The following DNER variants were observed in gnomAD, a reference collection of about 807,000 sequenced individuals.
The protein encoded by DNER is delta and Notch-like epidermal growth factor-related receptor.
Under a neutral mutation model 78.2 loss-of-function variants are expected in DNER, and 33 were observed. The ratio of observed to expected loss-of-function variants is 0.42; its 90% confidence interval spans 0.32 to 0.56. The LOEUF (loss-of-function observed/expected upper bound fraction) is 0.56. Among genes scored for constraint, DNER ranks in the 20% least tolerant of loss-of-function variants. The probability of loss-of-function intolerance (pLI) is 0.11; values close to 1 mark genes in which losing one functional copy is unlikely to be tolerated. For synonymous variants in DNER, 417 were observed against 384.8 expected (o/e 1.08, Z -0.98); for missense variants, 918 against 975.3 (o/e 0.94, Z 0.78).
intron 5 of DNER, among the ~76,000 whole-genome samples, chr2:229,545,901 C>A (rs1021566361): frequency 6.6e-6 from 1 of 152,170 alleles, no homozygotes; most frequent in Non-Finnish European, 1.5e-5. Flanking sequence ...CAGGGAAATG[C>A]GAAGACTAAG....
chr2:229,508,479 T>C (rs1695788681), intron 6 of DNER, among the ~76,000 whole-genome samples: 1 of 152,274 alleles, frequency 6.6e-6, no homozygotes, highest in South Asian at 2.1e-4. Context: ...TGCCAGAGAA[T>C]TGCATGCATG....
intron 6 of DNER, among the ~76,000 whole-genome samples, chr2:229,496,180 T>G (rs771310759): frequency 1.3e-5 from 2 of 152,218 alleles, no homozygotes; most frequent in Admixed American, 6.5e-5. Flanking sequence ...TTTCTTGCAG[T>G]AATTGATGCG....
At chr2:229,598,120 T>A (rs1697758064) in intron 1 of DNER, among the ~76,000 whole-genome samples, 1 of 152,152 alleles carries the variant, frequency 6.6e-6, no homozygotes, top group African/African-American at 2.4e-5. Flanking sequence ...ATTGATAGGG[T>A]CATTAGATAT....
intron 4 of DNER, among the ~76,000 whole-genome samples, chr2:229,584,594 G>A (rs2154214413): frequency 6.6e-6 from 1 of 152,290 alleles, no homozygotes; most frequent in African/African-American, 2.4e-5. Context: ...GTGGGTCGGG[G>A]AGGGAATACT....
chr2:229,608,021 C>CAAAAA (rs57795249), intron 1 of DNER, among the ~76,000 whole-genome samples: 20 of 86,132 alleles, frequency 2.3e-4, no homozygotes, highest in South Asian at 9.1e-4. Context: ...AACTCTGTCT[C>CAAAAA]AAAAAAAAAA....
intron 9 of DNER, among the ~76,000 whole-genome samples, chr2:229,417,160 G>C (rs1335043473): frequency 1.3e-5 from 2 of 152,128 alleles, no homozygotes; most frequent in East Asian, 3.9e-4. Context: ...TTATCCAGGA[G>C]CTTAATCAAG....
At chr2:229,501,222 A>T (rs761906976) in intron 6 of DNER, among the ~76,000 whole-genome samples, 2 of 151,988 alleles carry the variant, frequency 1.3e-5, no homozygotes, top group East Asian at 1.9e-4. Flanking sequence ...CCAGAGATCT[A>T]TTGTACAACA....
At chr2:229,589,534 A>G (rs1338503355) in intron 2 of DNER, among the ~76,000 whole-genome samples, 8 of 152,248 alleles carry the variant, frequency 5.3e-5, no homozygotes, top group African/African-American at 2.4e-5. Context: ...TTAGGCATAC[A>G]TATTAACATG....
chr2:229,595,217 G>T (rs1697689038), intron 1 of DNER, among the ~76,000 whole-genome samples: 1 of 151,964 alleles, frequency 6.6e-6, no homozygotes, highest in Non-Finnish European at 1.5e-5. Context: ...CTATTTTACA[G>T]TTGAGGCTTA....
rs1409850665 is a variant in DNER at position 229,515,635 on chromosome 2, C to CTTTTT, written c.994-2700_994-2699insAAAAA. 1.1e-4 allele frequency among the ~76,000 whole-genome samples: 14 copies of CTTTTT among 123,244 alleles called. 2 individuals are homozygous for CTTTTT. Among genetic ancestry groups the CTTTTT allele is most frequent in the Non-Finnish European group, 1.0e-4 (6 of 58,746 alleles). 80.9% of individuals were successfully genotyped at this position (123,244 alleles called of 152,430 possible). On this transcript the variant is annotated intron_variant, in intron 5 of 12. Transcript: ENST00000341772. ...CCCAAATCAAATATCTTCAAGTTAG[C>CTTTTT]TTTATTTTTTTATTTTTTTTTTTTT...
At chr2:229,675,340 T>A (rs531117755) in intron 1 of DNER, among the ~76,000 whole-genome samples, 11 of 152,272 alleles carry the variant, frequency 7.2e-5, no homozygotes, top group South Asian at 4.2e-4. Flanking sequence ...CTCAGCAATT[T>A]CCACTCTCTG....
intron 11 of DNER, among the ~76,000 whole-genome samples, chr2:229,385,025 C>G (rs1240715722): frequency 1.3e-5 from 2 of 151,076 alleles, no homozygotes; most frequent in African/African-American, 4.9e-5. Context: ...AATACTGGCA[C>G]ACCGAATCCA....
intron 1 of DNER, among the ~76,000 whole-genome samples, chr2:229,635,382 A>AAAAAAAAAAAC (rs1698512328): frequency 1.3e-5 from 2 of 149,406 alleles, no homozygotes; most frequent in African/African-American, 4.9e-5. Context: ...AAAAAAAAAA[A>AAAAAAAAAAAC]AAACTCCCAT....
At chr2:229,530,417 C>G (rs946688046) in intron 5 of DNER, among the ~76,000 whole-genome samples, 1 of 152,224 alleles carries the variant, frequency 6.6e-6, no homozygotes, top group South Asian at 2.1e-4. Context: ...CTCCTGTGCC[C>G]TTCTCTCTCC....
chr2:229,484,064 A>G (rs1229659345), intron 6 of DNER, among the ~76,000 whole-genome samples: 1 of 116,686 alleles, frequency 8.6e-6, no homozygotes, highest in African/African-American at 2.8e-5. Context: ...GTTTGGAGAG[A>G]AACCTCTGGA....
chr2:229,445,432 G>A (rs1461998379), intron 8 of DNER, among the ~76,000 whole-genome samples: 1 of 152,202 alleles, frequency 6.6e-6, no homozygotes, highest in African/African-American at 2.4e-5. Flanking sequence ...ATGTTACTGC[G>A]ATAGTTCATT....
chr2:229,590,077 GTAA>G (rs1697575204), intron 2 of DNER, among the ~76,000 whole-genome samples: 1 of 151,082 alleles, frequency 6.6e-6, no homozygotes, highest in African/African-American at 2.4e-5. Flanking sequence ...GATGAAACCC[GTAA>G]TAATAACATA....
chr2:229,443,505 A>G (rs1300098765), intron 8 of DNER, among the ~76,000 whole-genome samples: 1 of 152,250 alleles, frequency 6.6e-6, no homozygotes. Flanking sequence ...ACATTTCAGT[A>G]ATTACTCAGT....
chr2:229,512,956 C>G lies in DNER; in HGVS notation c.994-20G>C, dbSNP rs1416210052. The stretch of plus-strand genomic sequence containing the variant: ...AGTTGCCTAAAACACAAAAAAAGCA[C>G]AGTGTCTATTACCTGGCACCTCTCA... On this transcript the variant is annotated intron_variant, in intron 5 of 12. Coordinates refer to ENST00000341772, the MANE Select transcript of DNER (RefSeq NM_139072.4). 2 of 1,611,078 alleles carry G rather than the reference C, an allele frequency of 1.2e-6. No individual in the cohort carries two copies. Among genetic ancestry groups the G allele is most frequent in the African/African-American group, 2.7e-5 (2 of 74,894 alleles).
Sources: gnomAD v4.1 joint callset for allele counts (sites outside exome capture counted in the v4.1 genomes callset) on GRCh38, gnomAD v4.1.1 for gene constraint, MANE v1.5 for transcripts, NCBI Gene and HGNC (gene_info 2026-07-23, HGNC 2026-07-21) for gene names.